BLTP1: variants seen among roughly 807,000 people sequenced by gnomAD.
BLTP1 encodes the protein bridge-like lipid transfer protein family member 1.
the BLTP1 span, chr4:122,336,420 C>A: frequency 5.6e-6 from 6 of 1,072,134 alleles, no homozygotes; most frequent in Non-Finnish European, 7.9e-6. Flanking sequence ...AGAAGGTTTT[C>A]TTAATGCTAT....
At chr4:122,355,217 A>C in the BLTP1 span, among the ~76,000 whole-genome samples, 1 of 152,158 alleles carries the variant, frequency 6.6e-6, no homozygotes, top group South Asian at 2.1e-4. Context: ...TCTGAAGAAA[A>C]ATACTAATTA....
chr4:122,328,433 C>T, the BLTP1 span: 1 of 1,309,940 alleles, frequency 7.6e-7, no homozygotes, highest in Non-Finnish European at 1.1e-6. Context: ...ATATATAACT[C>T]AGCTTTTACA....
At chr4:122,305,883 G>A in the BLTP1 span, 1 of 1,579,260 alleles carries the variant, frequency 6.3e-7, no homozygotes, top group African/African-American at 1.4e-5. Context: ...TTAGGTTTAT[G>A]AGGAAGCTGG....
the BLTP1 span, chr4:122,247,375 A>G: frequency 1.9e-6 from 3 of 1,611,498 alleles, no homozygotes; most frequent in Admixed American, 1.7e-5. Context: ...TCTACAACAA[A>G]TATGTTTTTT....
At chr4:122,272,417 T>A in the BLTP1 span, 1 of 1,599,564 alleles carries the variant, frequency 6.3e-7, no homozygotes, top group Non-Finnish European at 8.6e-7. Context: ...TATGAATGAT[T>A]TTTCTAATAA....
the BLTP1 span, chr4:122,349,309 A>G: frequency 6.2e-7 from 1 of 1,611,092 alleles, no homozygotes; most frequent in Non-Finnish European, 8.5e-7. The surrounding 1 kb of genome is among the most constrained non-coding windows in gnomAD (Gnocchi z 4.5). Flanking sequence ...TGCTTTGGAG[A>G]TGGTTGGTAT....
the BLTP1 span, among the ~76,000 whole-genome samples, chr4:122,358,629 T>G: frequency 6.6e-6 from 1 of 152,168 alleles, no homozygotes; most frequent in Non-Finnish European, 1.5e-5. Context: ...TGAGCAGGCC[T>G]TAACTGAACA....
chr4:122,309,608 A>G, the BLTP1 span: 1 of 837,116 alleles, frequency 1.2e-6, no homozygotes, highest in Non-Finnish European at 1.8e-6. Flanking sequence ...ACAGGTAACA[A>G]ACCATATTCG....
At chr4:122,344,693 G>A in the BLTP1 span, 1 of 1,185,752 alleles carries the variant, frequency 8.4e-7, no homozygotes. Flanking sequence ...TAAAGGAGAG[G>A]AATGCCCAGC....
chr4:122,333,875 T>C, the BLTP1 span: 1 of 1,536,394 alleles, frequency 6.5e-7, no homozygotes, highest in Non-Finnish European at 8.7e-7. Context: ...TTCTATCATA[T>C]ATGTTCATCT....
chr4:122,222,444 T>A, the BLTP1 span, among the ~76,000 whole-genome samples: 9,769 of 152,216 alleles, frequency 0.064, 889 homozygotes, highest in African/African-American at 0.2. Flanking sequence ...ATCTTATGTA[T>A]TAATTTCATA....
the BLTP1 span, chr4:122,185,559 C>A: frequency 2.1e-6 from 1 of 484,092 alleles, no homozygotes; most frequent in Non-Finnish European, 2.7e-6. Flanking sequence ...GTTCATAAAA[C>A]CTATGTTTTA....
At chr4:122,180,541 AAC>A in the BLTP1 span, among the ~76,000 whole-genome samples, 7 of 152,240 alleles carry the variant, frequency 4.6e-5, no homozygotes, top group Non-Finnish European at 8.8e-5. Context: ...AAGATTACAC[AAC>A]CAGCAAGAAG....
chr4:122,219,250 A>G, the BLTP1 span: 1 of 1,524,296 alleles, frequency 6.6e-7, no homozygotes, highest in Non-Finnish European at 8.8e-7. Flanking sequence ...TAGGTTAAGG[A>G]AATGCATAAT....
the BLTP1 span, chr4:122,184,816 G>C: frequency 5.1e-6 from 5 of 985,358 alleles, no homozygotes; most frequent in Admixed American, 2.5e-4. Flanking sequence ...TCAGAATATT[G>C]TATGACAAAA....
chr4:122,361,239 A>G, the BLTP1 span, among the ~76,000 whole-genome samples: 1 of 152,206 alleles, frequency 6.6e-6, no homozygotes, highest in South Asian at 2.1e-4. Flanking sequence ...ATAACAAGAC[A>G]TGTGGCTTAG....
At chr4:122,154,892 A>G in the BLTP1 span, 2 of 892,028 alleles carry the variant, frequency 2.2e-6, no homozygotes, top group South Asian at 1.0e-4. Context: ...AATTGAGAAA[A>G]TGAAGAAAAG....
the BLTP1 span, among the ~76,000 whole-genome samples, chr4:122,265,380 T>A: frequency 6.6e-6 from 1 of 152,236 alleles, no homozygotes; most frequent in East Asian, 1.9e-4. Context: ...AATTGTTACA[T>A]TGTTATATTT....
the BLTP1 span, chr4:122,318,090 A>AGG: frequency 6.5e-7 from 1 of 1,534,156 alleles, no homozygotes; most frequent in Non-Finnish European, 8.8e-7. Flanking sequence ...GCAAGTAAAA[A>AGG]ATCAGTCTTA....
Sources: gnomAD v4.1 joint callset for allele counts (sites outside exome capture counted in the v4.1 genomes callset) on GRCh38, gnomAD v4.1.1 for gene constraint, Gnocchi (gnomAD v3.1) non-coding constraint, MANE v1.5 for transcripts, NCBI Gene and HGNC (gene_info 2026-07-23, HGNC 2026-07-21) for gene names.